JAKMIP1: variants seen among roughly 807,000 people sequenced by gnomAD.
JAKMIP1 encodes the protein janus kinase and microtubule-interacting protein 1.
In JAKMIP1, 33 loss-of-function variants were observed where a neutral mutation model predicts 113.0. That is an observed-to-expected ratio of 0.29 (90% confidence interval 0.22 to 0.39). The LOEUF is 0.39. Ranked by LOEUF, JAKMIP1 falls within the 10% of genes least tolerant of loss-of-function variation. JAKMIP1 has a pLI of 1.00. For missense variants in JAKMIP1, 813 were observed against 1,080.5 expected, an observed-to-expected ratio of 0.75 and a Z score of 3.47; for synonymous variants, 480 against 459.9, an observed-to-expected ratio of 1.04 and a Z score of -0.56.
rs79560980 is a variant in JAKMIP1, at chr4:6,198,768, A to G, written c.-148+1485T>C. The stretch of plus-strand genomic sequence containing the variant: ...GAAAGGATTCTAATTCCCCCACTCT[A>G]TCCCCGAATGTGTCCCTCCTCCTTG... On this transcript the variant is annotated intron_variant, in intron 1 of 20. Coordinates refer to ENST00000409021, the MANE Select transcript of JAKMIP1 (RefSeq NM_001099433.2). 7.4e-4 allele frequency among the ~76,000 whole-genome samples: 112 copies of G among 152,264 alleles called. 1 individual carries two copies. In the East Asian group the frequency reaches 0.015, roughly 21 times the overall value.
Position 6,069,676 on chromosome 4 carries a change from C to G in JAKMIP1, c.1303-4668G>C, listed in dbSNP as rs928640704. ...GCTGAGGTGGAAAGATTACTTGAGC[C>G]TGGGAGGTTGGGGCTGCAGTGAGCT... On this transcript the variant is annotated intron_variant, in intron 8 of 20. Coordinates refer to ENST00000409021, the MANE Select transcript of JAKMIP1 (RefSeq NM_001099433.2). This position sits in a 1 kb window ranked among gnomAD's most constrained non-coding sequence, Gnocchi z 4.5. 1.3e-5 allele frequency among the ~76,000 whole-genome samples: 2 copies of G among 151,162 alleles called. No homozygotes were observed. Among genetic ancestry groups the G allele is most frequent in the Non-Finnish European group, 2.9e-5 (2 of 67,980 alleles).
chr4:6,080,484 T>G lies in JAKMIP1; in HGVS notation c.1102-172A>C, dbSNP rs1720346824. 6.6e-6 allele frequency among the ~76,000 whole-genome samples: 1 copy of G among 152,094 alleles called. No homozygotes were observed. Among genetic ancestry groups the G allele is most frequent in the Non-Finnish European group, 1.5e-5 (1 of 68,012 alleles). On this transcript the variant is annotated intron_variant, in intron 6 of 20. Transcript: ENST00000409021. The surrounding 1 kb of genome is among the most constrained non-coding windows in gnomAD (Gnocchi z 6.0). ...TCCCCACCCAAATCTCATCTTGAATTGCGGCTCCCAGAACTCCCGTGTGTT... is the reference window on the plus strand; with the variant it reads ...TCCCCACCCAAATCTCATCTTGAATGGCGGCTCCCAGAACTCCCGTGTGTT...
In JAKMIP1 at chr4:6,116,527, G is replaced by A. The variant is rs927909063; in HGVS notation, c.-147-3530C>T. ...CTTGGACCTGCTGACCCTGGACCTT[G>A]TCTGGCATATAGGCCAAGGTTGGCA... On this transcript the variant is annotated intron_variant, in intron 1 of 20. Transcript: ENST00000409021. This position sits in a 1 kb window ranked among gnomAD's most constrained non-coding sequence, Gnocchi z 5.1. 6.6e-6 allele frequency among the ~76,000 whole-genome samples: 1 copy of A among 152,176 alleles called. No individual in the cohort carries two copies. Among genetic ancestry groups the A allele is most frequent in the African/African-American group, 2.4e-5 (1 of 41,446 alleles).
At chr4:6,054,630 GAAGCCGTA>G (rs1462694125) in intron 12 of JAKMIP1, 1 of 407,820 alleles carries the variant, frequency 2.5e-6, no homozygotes, top group Non-Finnish European at 4.9e-6. Flanking sequence ...GCTTGCAGAA[GAAGCCGTA>G]AAGGCAGGAG....
At position 6,194,455 on chromosome 4, in the gene JAKMIP1, A is replaced by C. The variant is rs1433551300; in HGVS notation, c.-148+5798T>G. On this transcript the variant is annotated intron_variant, in intron 1 of 20. Coordinates refer to ENST00000409021, the MANE Select transcript of JAKMIP1 (RefSeq NM_001099433.2). The surrounding 1 kb of genome is among the most constrained non-coding windows in gnomAD (Gnocchi z 7.4). ...AGGGTGAGAGAAGACAGGAGACAGAAGCTCCAAGGGTAAAAGATAGTGGAA... is the reference window on the plus strand; with the variant it reads ...AGGGTGAGAGAAGACAGGAGACAGACGCTCCAAGGGTAAAAGATAGTGGAA... 6.6e-6 allele frequency: 1 copy of C among 152,126 alleles called. No individual in the cohort carries two copies. The highest frequency in any genetic ancestry group is 1.5e-5 in the Non-Finnish European group (1 of 68,088). The allele number at this position is 152,126 out of a possible 1,614,324, so 9.4% of individuals were successfully genotyped here. A position where few individuals can be genotyped will look rare whatever the true frequency, so the allele number is the denominator to read the frequency against.
rs1244148166 is a variant in JAKMIP1 at position 6,169,961 on chromosome 4, TCACCAC to T, written c.-148+30286_-148+30291del. Among the ~76,000 whole-genome samples the T allele has an allele frequency of 2.6e-3, 381 of 146,034 alleles. 3 individuals carry two copies. The highest frequency in any genetic ancestry group is 8.9e-3 in the African/African-American group (345 of 38,608). On this transcript the variant is annotated intron_variant, in intron 1 of 20. Coordinates refer to ENST00000409021, the MANE Select transcript of JAKMIP1 (RefSeq NM_001099433.2). Reference sequence around the variant, plus strand: ...GATACTACCACTACCATCACTCTCATCACCACCACCACCACCACTACCACCACCACC... The same window carrying T: ...GATACTACCACTACCATCACTCTCATCACCACCACCACTACCACCACCACC...
chr4:6,096,557 C>G (rs1337838590), intron 3 of JAKMIP1, among the ~76,000 whole-genome samples: 2 of 152,182 alleles, frequency 1.3e-5, no homozygotes, highest in Non-Finnish European at 2.9e-5. Flanking sequence ...ATAACAAATT[C>G]ATTTTCAGAT....
intron 20 of JAKMIP1, among the ~76,000 whole-genome samples, chr4:6,027,658 C>T (rs1220067727): frequency 3.3e-5 from 5 of 152,174 alleles, no homozygotes; most frequent in African/African-American, 4.8e-5. Context: ...TGCCAGCTTC[C>T]GCAACTCCCT....
In JAKMIP1 at chr4:6,086,871, G is replaced by A. The variant is rs1204405652; in HGVS notation, c.625-1242C>T. The stretch of plus-strand genomic sequence containing the variant: ...CGGAGGCAGAGGCTGGAGGGACACA[G>A]CCTCAAGCCAAGGAACTCAAGGTCA... On this transcript the variant is annotated intron_variant, in intron 3 of 20. Transcript: ENST00000409021. The surrounding 1 kb of genome is among the most constrained non-coding windows in gnomAD (Gnocchi z 4.1). Among the ~76,000 whole-genome samples, 1 of 152,120 alleles carries A rather than the reference G, an allele frequency of 6.6e-6. No individual in the cohort carries two copies. The highest frequency in any genetic ancestry group is 1.5e-5 in the Non-Finnish European group (1 of 68,026).
chr4:6,172,525 C>T (rs1289316041), intron 1 of JAKMIP1, among the ~76,000 whole-genome samples: 1 of 151,936 alleles, frequency 6.6e-6, no homozygotes, highest in African/African-American at 2.4e-5. Flanking sequence ...GGAGAGAGGA[C>T]ACGGCCCTGG....
intron 20 of JAKMIP1, among the ~76,000 whole-genome samples, chr4:6,028,066 A>G (rs1288144336): frequency 6.6e-6 from 1 of 152,192 alleles, no homozygotes; most frequent in Admixed American, 6.5e-5. Context: ...AGCACATGAG[A>G]ACACCAAGGC....
chr4:6,148,350 G>A (rs73075425), intron 1 of JAKMIP1, among the ~76,000 whole-genome samples: 6,198 of 152,262 alleles, frequency 0.041, 389 homozygotes, highest in African/African-American at 0.14. Context: ...TTTTCCTAGC[G>A]CAGAAGAGTC....
At chr4:6,037,342 T>C (rs28699038) in intron 18 of JAKMIP1, among the ~76,000 whole-genome samples, 10 of 92,266 alleles carry the variant, frequency 1.1e-4, no homozygotes, top group Middle Eastern at 6.9e-3. Flanking sequence ...GAGGCAGAGG[T>C]TAACCCAGTA....
chr4:6,084,296 C>T (rs1394632940), intron 5 of JAKMIP1, among the ~76,000 whole-genome samples: 5 of 140,340 alleles, frequency 3.6e-5, no homozygotes, highest in South Asian at 2.3e-4. Context: ...CCAGCCTGGG[C>T]GACAAGAGTG....
rs1450809118 is a variant in JAKMIP1, at chr4:6,035,893, T to C, written c.2379+11A>G. On this transcript the variant is annotated intron_variant, in intron 19 of 20. Coordinates refer to ENST00000409021, the MANE Select transcript of JAKMIP1 (RefSeq NM_001099433.2). ...CGGGGTGCTGTGGGCACAGCCGCTG[T>C]TGCCGCCTACCTGCTGGGCCTGCTG... 1 of 1,545,436 alleles carries C rather than the reference T, an allele frequency of 6.5e-7. No individual in the cohort carries two copies. The highest frequency in any genetic ancestry group is 8.7e-7 in the Non-Finnish European group (1 of 1,145,068).
At position 6,050,270 on chromosome 4, in the gene JAKMIP1, C is replaced by T. The variant is rs1037952824; in HGVS notation, c.1908+308G>A. Among the ~76,000 whole-genome samples the T allele has an allele frequency of 3.9e-5, 6 of 152,138 alleles. No individual in the cohort carries two copies. In the East Asian group the frequency reaches 7.7e-4, roughly 20 times the overall value. On this transcript the variant is annotated intron_variant, in intron 14 of 20. Transcript: ENST00000409021. This position sits in a 1 kb window ranked among gnomAD's most constrained non-coding sequence, Gnocchi z 7.4. ...ATGATGTGTCATCACCCCAGCTTCA[C>T]GGTGTGGGTATTGTCATTTGGATTT... is the stretch of plus-strand genomic sequence containing the variant.
intron 1 of JAKMIP1, among the ~76,000 whole-genome samples, chr4:6,169,079 T>C (rs987037044): frequency 1.3e-5 from 2 of 152,206 alleles, no homozygotes; most frequent in African/African-American, 4.8e-5. Context: ...ACTGTGAATA[T>C]ATTAAGAATA....
In JAKMIP1 at chr4:6,066,878, C is replaced by T. The variant is rs2108795651; in HGVS notation, c.1303-1870G>A. Among the ~76,000 whole-genome samples, 2 of 152,318 alleles carry T rather than the reference C, an allele frequency of 1.3e-5. 1 individual carries two copies. The highest frequency in any genetic ancestry group is 4.1e-4 in the South Asian group (2 of 4,824). ...CCCATCCTGCCCTGGCATCATCCCT[C>T]CCTCTCCTCCTCCGCTCCAGGCTTC... On this transcript the variant is annotated intron_variant, in intron 8 of 20. Coordinates refer to ENST00000409021, the MANE Select transcript of JAKMIP1 (RefSeq NM_001099433.2).
chr4:6,121,577 A>C (rs1716714273), intron 1 of JAKMIP1, among the ~76,000 whole-genome samples: 1 of 152,242 alleles, frequency 6.6e-6, no homozygotes, highest in South Asian at 2.1e-4. Context: ...ACGCCATCAC[A>C]ACAGACGTGC....
Sources: gnomAD v4.1 joint callset for allele counts (sites outside exome capture counted in the v4.1 genomes callset) on GRCh38, gnomAD v4.1.1 for gene constraint, Gnocchi (gnomAD v3.1) non-coding constraint, MANE v1.5 for transcripts, NCBI Gene and HGNC (gene_info 2026-07-23, HGNC 2026-07-21) for gene names.